Variants in CHN2 observed in about 807,000 individuals in gnomAD.
CHN2 encodes the protein chimerin 2.
In CHN2, 35 loss-of-function variants were observed where a neutral mutation model predicts 56.3. That is an observed-to-expected ratio of 0.62 (90% confidence interval 0.47 to 0.82). The LOEUF (loss-of-function observed/expected upper bound fraction) is 0.82. Among genes scored for constraint, CHN2 ranks in the 40% least tolerant of loss-of-function variants. The pLI is 0.00. For missense variants in CHN2, 491 were observed against 580.5 expected (o/e 0.85, Z 1.58); for synonymous variants, 210 against 212.8 (o/e 0.99, Z 0.12).
intron 6 of CHN2, among the ~76,000 whole-genome samples, chr7:29,466,002 G>A (rs1356085580): frequency 6.6e-6 from 1 of 152,098 alleles, no homozygotes; most frequent in African/African-American, 2.4e-5. Flanking sequence ...TCAAGAGTTC[G>A]AGACCAGCCT....
intron 7 of CHN2, among the ~76,000 whole-genome samples, chr7:29,490,965 G>T (rs1261960132): frequency 6.6e-6 from 1 of 152,090 alleles, no homozygotes; most frequent in Non-Finnish European, 1.5e-5. Flanking sequence ...ACTAGTTTCT[G>T]TGAAAGATGT....
Position 29,212,550 on chromosome 7 carries a change from C to T in CHN2, c.49+17560C>T, listed in dbSNP as rs180972411. On this transcript the variant is annotated intron_variant, in intron 1 of 12. Coordinates refer to ENST00000222792, the MANE Select transcript of CHN2 (RefSeq NM_004067.4). ...CAACCCATTGCTGCAGAGAATAATG[C>T]CCCAAAAAAGGGAGACGAGGTCCCA... The T allele has an allele frequency of 2.0e-4, 290 of 1,485,018 alleles. 3 individuals carry two copies. In the East Asian group the frequency reaches 5.8e-3, roughly 30 times the overall value. The allele number at this position is 1,485,018 out of a possible 1,614,324, so 92.0% of individuals were successfully genotyped here. A position where few individuals can be genotyped will look rare whatever the true frequency, so the allele number is the denominator to read the frequency against.
At chr7:29,459,185 G>C (rs1299278732) in intron 6 of CHN2, among the ~76,000 whole-genome samples, 3 of 152,162 alleles carry the variant, frequency 2.0e-5, no homozygotes, top group Non-Finnish European at 4.4e-5. Context: ...GCTATGAAAG[G>C]CTCAAGTTCA....
At chr7:29,284,536 A>T (rs574740077) in intron 1 of CHN2, among the ~76,000 whole-genome samples, 7 of 152,324 alleles carry the variant, frequency 4.6e-5, no homozygotes, top group Admixed American at 2.0e-4. Context: ...GAACCTGAGA[A>T]TAGGCTTAAG....
At chr7:29,289,947 GGTAA>G (rs1269890741) in intron 1 of CHN2, among the ~76,000 whole-genome samples, 1 of 152,180 alleles carries the variant, frequency 6.6e-6, no homozygotes, top group African/African-American at 2.4e-5. Context: ...TTGAGTTTGT[GGTAA>G]GTAAGCTCTT....
chr7:29,395,585 C>G (rs1278995452), intron 4 of CHN2, among the ~76,000 whole-genome samples: 1 of 151,882 alleles, frequency 6.6e-6, no homozygotes, highest in African/African-American at 2.4e-5. Flanking sequence ...GGGAAAATAC[C>G]CATAGTTCTA....
At chr7:29,468,903 C>T (rs1785796012) in intron 6 of CHN2, among the ~76,000 whole-genome samples, 1 of 152,136 alleles carries the variant, frequency 6.6e-6, no homozygotes, top group Non-Finnish European at 1.5e-5. Flanking sequence ...TCTTCTCTAT[C>T]TGCACTAACT....
At chr7:29,482,675 G>A (rs893992112) in intron 7 of CHN2, among the ~76,000 whole-genome samples, 2 of 151,640 alleles carry the variant, frequency 1.3e-5, no homozygotes, top group East Asian at 1.9e-4. Flanking sequence ...TTTGTAATTC[G>A]GGTTAATATT....
chr7:29,261,470 T>C (rs1789546739), intron 1 of CHN2, among the ~76,000 whole-genome samples: 1 of 152,102 alleles, frequency 6.6e-6, no homozygotes, highest in African/African-American at 2.4e-5. Flanking sequence ...AACCTTGAGC[T>C]CCTGCTTACC....
intron 1 of CHN2, among the ~76,000 whole-genome samples, chr7:29,338,927 C>T (rs770496961): frequency 2.0e-4 from 31 of 152,206 alleles, no homozygotes; most frequent in African/African-American, 5.3e-4. Context: ...CATCTAACAA[C>T]GTAATGAAAG....
At chr7:29,153,492 G>T (rs1162113357) in intron 2 of CHN2, among the ~76,000 whole-genome samples, 1 of 152,128 alleles carries the variant, frequency 6.6e-6, no homozygotes, top group Non-Finnish European at 1.5e-5. Context: ...CCTATTCAAT[G>T]TGAAGACAAT....
At chr7:29,462,903 C>T (rs1006771979) in intron 6 of CHN2, among the ~76,000 whole-genome samples, 7 of 142,124 alleles carry the variant, frequency 4.9e-5, no homozygotes, top group Admixed American at 1.4e-4. Flanking sequence ...CTCCTAATGC[C>T]ATCCCTCCCC....
intron 1 of CHN2, among the ~76,000 whole-genome samples, chr7:29,285,060 G>A (rs1329401340): frequency 6.6e-6 from 1 of 152,174 alleles, no homozygotes. Flanking sequence ...CTTGCTGTGG[G>A]GTGTGTGAGC....
Position 29,400,555 on chromosome 7 carries a change from G to A in CHN2, c.303G>A (p.Gln101=). ...CTCTCACGGGCAGGTTTGGAAACCAGACCTTAAACTACAGGCTCTTCCACG... is the reference window on the plus strand; with the variant it reads ...CTCTCACGGGCAGGTTTGGAAACCAAACCTTAAACTACAGGCTCTTCCACG... ...CYTLALRFGN[Q]TLNYRLFHDG... The change falls in exon 6 of 13, where the codon CAG becomes CAA. Residue 101 remains glutamine (Q), a synonymous_variant. Coordinates refer to ENST00000222792, the MANE Select transcript of CHN2 (RefSeq NM_004067.4). The A allele has an allele frequency of 6.2e-7, 1 of 1,613,992 alleles. No individual in the cohort carries two copies. The highest frequency in any genetic ancestry group is 8.5e-7 in the Non-Finnish European group (1 of 1,179,960).
At chr7:29,378,000 G>A (rs1800207011) in intron 3 of CHN2, among the ~76,000 whole-genome samples, 1 of 152,310 alleles carries the variant, frequency 6.6e-6, no homozygotes, top group African/African-American at 2.4e-5. Flanking sequence ...TTTGATGAAT[G>A]TTCTTGGATC....
At chr7:29,367,878 T>A in intron 2 of CHN2, 54 bp from the exon 3 acceptor site, 1 of 1,486,430 alleles carries the variant, frequency 6.7e-7, no homozygotes, top group South Asian at 1.2e-5. Context: ...TTGATATGTG[T>A]TGCAGTATTC....
intron 3 of CHN2, among the ~76,000 whole-genome samples, chr7:29,368,893 A>C (rs561188670): frequency 1.3e-5 from 2 of 152,306 alleles, no homozygotes; most frequent in South Asian, 4.1e-4. Flanking sequence ...ATTTTAGTAC[A>C]CAGTAGACTT....
At chr7:29,363,698 A>G (rs1349790940) in intron 2 of CHN2, among the ~76,000 whole-genome samples, 1 of 152,200 alleles carries the variant, frequency 6.6e-6, no homozygotes, top group African/African-American at 2.4e-5. Context: ...TTAAAACTAT[A>G]TAAGAGAACA....
At chr7:29,508,125 T>C (rs1250011592) in intron 11 of CHN2, among the ~76,000 whole-genome samples, 1 of 152,216 alleles carries the variant, frequency 6.6e-6, no homozygotes, top group Non-Finnish European at 1.5e-5. Flanking sequence ...AATCCCATTT[T>C]ACAAAGAAGA....
Sources: allele counts gnomAD v4.1 joint callset (sites outside exome capture counted in the v4.1 genomes callset), GRCh38; gene constraint gnomAD v4.1.1; transcripts MANE v1.5; gene names NCBI Gene and HGNC (gene_info 2026-07-23, HGNC 2026-07-21).